STK10: variants seen among roughly 807,000 people sequenced by gnomAD.
The protein encoded by STK10 is serine/threonine kinase 10.
A neutral mutation model predicts 113.8 loss-of-function variants in STK10; 78 were observed. That is an observed-to-expected ratio of 0.69 (90% CI 0.57 to 0.83). The LOEUF (loss-of-function observed/expected upper bound fraction) is 0.83, where lower values mean the gene tolerates loss of function less well. Among genes scored for constraint, STK10 ranks in the 40% least tolerant of loss-of-function variants. The pLI is 0.00. For synonymous variants in STK10, 465 were observed against 494.7 expected (o/e 0.94, Z 0.80); for missense variants, 1,109 against 1,280.1 (o/e 0.87, Z 2.04).
intron 18 of STK10, 145 bp downstream of exon 18, chr5:172,052,784 C>T (rs563354637): frequency 5.4e-5 from 41 of 754,442 alleles, no homozygotes; most frequent in Non-Finnish European, 7.5e-5. Context: ...GAAAGTTCCC[C>T]TCTCTCTCAG....
intron 4 of STK10, chr5:172,114,464 TATATATATA>T (rs1239986501): frequency 2.8e-5 from 1 of 35,276 alleles, no homozygotes; most frequent in Non-Finnish European, 5.9e-5. Flanking sequence ...TATATATATA[TATATATATA>T]TTTTTTTTTT....
At chr5:172,170,668 C>T (rs950431073) in intron 1 of STK10, among the ~76,000 whole-genome samples, 7 of 152,198 alleles carry the variant, frequency 4.6e-5, no homozygotes, top group African/African-American at 1.7e-4. Flanking sequence ...GGGATTGGCC[C>T]AAAGATACCA....
At chr5:172,182,448 G>A (rs1189808042) in intron 1 of STK10, among the ~76,000 whole-genome samples, 2 of 151,188 alleles carry the variant, frequency 1.3e-5, no homozygotes, top group African/African-American at 2.4e-5. Context: ...AGGCGTGGGT[G>A]CAGTGGCTCA....
At position 172,177,405 on chromosome 5, in the gene STK10, C is replaced by T. The variant is rs139592782; in HGVS notation, c.156+10482G>A. ...TTGTCACGGCAGCCCGAATGAGCCA[C>T]GCCCCCAAATGCTATTGCAGATCTG... On this transcript the variant is annotated intron_variant, in intron 1 of 18. Coordinates refer to ENST00000176763, the MANE Select transcript of STK10 (RefSeq NM_005990.4). 1.8e-3 allele frequency among the ~76,000 whole-genome samples: 279 copies of T among 152,358 alleles called. 1 individual carries two copies. The highest frequency in any genetic ancestry group is 6.5e-3 in the African/African-American group (270 of 41,588).
intron 6 of STK10, 99 bp from the exon 7 acceptor site, chr5:172,105,836 G>T: frequency 1.8e-6 from 2 of 1,089,062 alleles, no homozygotes; most frequent in Non-Finnish European, 2.8e-6. Flanking sequence ...CCCCTCAAAG[G>T]ACAGAGGAAA....
intron 1 of STK10, among the ~76,000 whole-genome samples, chr5:172,178,619 A>C (rs1315795663): frequency 6.6e-6 from 1 of 152,200 alleles, no homozygotes; most frequent in African/African-American, 2.4e-5. Flanking sequence ...CACTGTACTC[A>C]TGGGGAAGCT....
chr5:172,150,029 A>G (rs1360057207), intron 2 of STK10, among the ~76,000 whole-genome samples: 1 of 146,592 alleles, frequency 6.8e-6, no homozygotes, highest in African/African-American at 2.6e-5. Flanking sequence ...CCTGGGCAAC[A>G]AGAACAAAAC....
At chr5:172,056,964 A>G (rs1185947597) in intron 15 of STK10, 11 of 104,704 alleles carry the variant, frequency 1.1e-4, no homozygotes, top group African/African-American at 5.1e-4. Flanking sequence ...GGAAAGAAAG[A>G]AAGAAAGAAA....
chr5:172,162,556 T>G (rs1165784109), intron 1 of STK10, among the ~76,000 whole-genome samples: 1 of 152,158 alleles, frequency 6.6e-6, no homozygotes, highest in Non-Finnish European at 1.5e-5. Context: ...ATCCTTTCCT[T>G]CTGCACACAT....
chr5:172,174,889 C>A (rs1443724893), intron 1 of STK10, among the ~76,000 whole-genome samples: 1 of 152,230 alleles, frequency 6.6e-6, no homozygotes, highest in Non-Finnish European at 1.5e-5. Context: ...CTGACCCAGG[C>A]TGGCTGGAGT....
At chr5:172,174,392 G>A (rs1319244015) in intron 1 of STK10, among the ~76,000 whole-genome samples, 2 of 152,066 alleles carry the variant, frequency 1.3e-5, no homozygotes, top group African/African-American at 2.4e-5. Context: ...GGCTGGTCTC[G>A]AACTCTTGAC....
In STK10 at chr5:172,160,236, G is replaced by A. The variant is rs538344659; in HGVS notation, c.157-3448C>T. Among the ~76,000 whole-genome samples the A allele has an allele frequency of 5.9e-5, 9 of 152,282 alleles. No homozygotes were observed. In the South Asian group the frequency reaches 1.9e-3, roughly 32 times the overall value. On this transcript the variant is annotated intron_variant, in intron 1 of 18. Coordinates refer to ENST00000176763, the MANE Select transcript of STK10 (RefSeq NM_005990.4). Reference sequence around the variant, plus strand: ...TGCCTGTAATCCCAGCATTTTGGGAGGCCAAGGTAGGTGGATCACCTGAAG... The same window carrying A: ...TGCCTGTAATCCCAGCATTTTGGGAAGCCAAGGTAGGTGGATCACCTGAAG...
chr5:172,097,032 G>T (rs1419460698), intron 7 of STK10, among the ~76,000 whole-genome samples: 1 of 152,188 alleles, frequency 6.6e-6, no homozygotes, highest in African/African-American at 2.4e-5. Context: ...AAGTTCACAG[G>T]TTGTAAAGCT....
chr5:172,109,008 C>T (rs987080661), intron 4 of STK10, among the ~76,000 whole-genome samples: 21 of 152,226 alleles, frequency 1.4e-4, no homozygotes, highest in Admixed American at 5.9e-4. Context: ...TTGTCTTGAA[C>T]TCCTAACCTC....
chr5:172,095,231 T>C (rs1768821881), intron 8 of STK10, among the ~76,000 whole-genome samples: 1 of 152,174 alleles, frequency 6.6e-6, no homozygotes, highest in African/African-American at 2.4e-5. Flanking sequence ...GCAACTCCAA[T>C]CTACCTTCTA....
At chr5:172,077,489 A>G (rs548632045) in intron 12 of STK10, among the ~76,000 whole-genome samples, 1 of 152,340 alleles carries the variant, frequency 6.6e-6, no homozygotes, top group Non-Finnish European at 1.5e-5. Flanking sequence ...ACTGAGTAGC[A>G]GACCATCAAG....
chr5:172,138,082 A>G (rs138941582), intron 2 of STK10, among the ~76,000 whole-genome samples: 87 of 152,096 alleles, frequency 5.7e-4, no homozygotes, highest in Non-Finnish European at 1.0e-3. Context: ...AACAAAATGA[A>G]ATAAAAGACA....
In STK10 at chr5:172,082,485, G is replaced by A. The variant is rs144136778; in HGVS notation, c.1830C>T (p.Asp610=). The change falls in exon 12 of 19, where the codon GAC becomes GAT. Residue 610 remains aspartate, a synonymous_variant. Transcript: ENST00000176763. The surrounding 1 kb of genome is among the most constrained non-coding windows in gnomAD (Gnocchi z 4.3). ...QEINAKKKFF[D]TELENLERQQ... ...GACGCTCCAGGTTCTCTAATTCCGT[G>A]TCAAAGAACTTCTTCTTGGCCTGAA... The A allele has an allele frequency of 3.1e-4, 486 of 1,592,224 alleles. 2 individuals are homozygous for A. The African/African-American group carries it at 5.9e-3, about 19-fold the overall frequency.
At chr5:172,105,830 T>A in intron 6 of STK10, 93 bp from the exon 7 acceptor site, 1 of 1,142,202 alleles carries the variant, frequency 8.8e-7, no homozygotes, top group African/African-American at 1.6e-5. Flanking sequence ...ATCATGCCCC[T>A]CAAAGGACAG....
Sources: allele counts gnomAD v4.1 joint callset (sites outside exome capture counted in the v4.1 genomes callset), GRCh38; gene constraint gnomAD v4.1.1; non-coding constraint Gnocchi (gnomAD v3.1); transcripts MANE v1.5; gene names NCBI Gene and HGNC (gene_info 2026-07-23, HGNC 2026-07-21).